The following TG variants were observed in gnomAD, a reference collection of about 807,000 sequenced individuals.
TG encodes thyroid hormones.
TG carries 270 observed loss-of-function variants against 324.7 expected under a neutral mutation model. The ratio of observed to expected loss-of-function variants is 0.83; its 90% CI spans 0.75 to 0.92. The LOEUF is 0.92. Ranked by LOEUF, TG falls within the 40% of genes least tolerant of loss-of-function variation. The pLI is 0.00. For synonymous variants in TG, 1,401 were observed against 1,327.0 expected, an observed-to-expected ratio of 1.06 and a Z score of -1.21; for missense variants, 3,591 against 3,456.4, an observed-to-expected ratio of 1.04 and a Z score of -0.98.
intron 8 of TG, chr8:132,883,331 T>A (rs1814931844): frequency 3.1e-6 from 1 of 323,336 alleles, no homozygotes; most frequent in African/African-American, 2.1e-5. Flanking sequence ...CATTCGATCT[T>A]GCAGCAGGTA....
chr8:133,058,648 G>A (rs150111963), intron 41 of TG, among the ~76,000 whole-genome samples: 8 of 152,178 alleles, frequency 5.3e-5, no homozygotes, highest in Admixed American at 6.5e-5. Context: ...GCCAAAGCCA[G>A]TTTGGAGAGG....
At chr8:133,052,703 G>A (rs931669670) in intron 41 of TG, among the ~76,000 whole-genome samples, 1 of 152,214 alleles carries the variant, frequency 6.6e-6, no homozygotes, top group African/African-American at 2.4e-5. Context: ...TAAAGCTTAA[G>A]CAAATTTGGC....
At chr8:133,075,216 C>T (rs4606039) in intron 41 of TG, 148,603 of 747,862 alleles carry the variant, frequency 0.2, 15,729 homozygotes, top group East Asian at 0.22. Flanking sequence ...ATTTCAGAAG[C>T]TTGGTCTTCT....
intron 27 of TG, among the ~76,000 whole-genome samples, chr8:132,956,052 A>G (rs1007242220): frequency 6.6e-6 from 1 of 152,240 alleles, no homozygotes; most frequent in Non-Finnish European, 1.5e-5. Flanking sequence ...AGGCAGTCAA[A>G]ACTGTGATCA....
intron 26 of TG, among the ~76,000 whole-genome samples, chr8:132,947,637 CTT>C (rs3076090): frequency 0.52 from 78,398 of 150,292 alleles, 21,690 homozygotes; most frequent in Non-Finnish European, 0.61. Flanking sequence ...ATATATTGCC[CTT>C]TTTTTTTTTT....
intron 41 of TG, among the ~76,000 whole-genome samples, chr8:133,067,736 G>A (rs142518073): frequency 0.012 from 1,768 of 151,678 alleles, 15 homozygotes; most frequent in Middle Eastern, 0.034. Flanking sequence ...AGATCGCACC[G>A]CTGCACATTC....
chr8:133,047,816 T>C (rs72729509), intron 41 of TG: 27,507 of 1,395,138 alleles, frequency 0.02, 354 homozygotes, highest in Non-Finnish European at 0.024. Flanking sequence ...AAAGATGAGT[T>C]GGGGGCCACT....
chr8:133,119,981 A>G (rs191700870), intron 45 of TG, among the ~76,000 whole-genome samples: 1 of 152,240 alleles, frequency 6.6e-6, no homozygotes, highest in African/African-American at 2.4e-5. Flanking sequence ...GACAAGAGCC[A>G]TGTGGTTTGG....
chr8:133,087,830 A>T (rs1846835280), intron 41 of TG: 1 of 152,150 alleles, frequency 6.6e-6, no homozygotes. Flanking sequence ...ATGTCACGTG[A>T]CCTCCTCCAG....
At chr8:132,871,869 G>T (rs891512503) in intron 4 of TG, among the ~76,000 whole-genome samples, 1 of 152,226 alleles carries the variant, frequency 6.6e-6, no homozygotes, top group Non-Finnish European at 1.5e-5. Context: ...TGCTGCATAC[G>T]GATGTTTTGG....
chr8:133,007,848 C>A (rs1442111302), intron 35 of TG, among the ~76,000 whole-genome samples: 1 of 148,964 alleles, frequency 6.7e-6, no homozygotes, highest in Non-Finnish European at 1.5e-5. Context: ...ATCTTCTAGT[C>A]AAATCTTTAG....
chr8:132,948,030 C>A (rs1696527932), intron 26 of TG, among the ~76,000 whole-genome samples: 1 of 152,126 alleles, frequency 6.6e-6, no homozygotes, highest in Non-Finnish European at 1.5e-5. Context: ...ATGTCATCTC[C>A]CCTAGTTACA....
chr8:133,056,758 C>T (rs1190054382), intron 41 of TG, among the ~76,000 whole-genome samples: 1 of 152,150 alleles, frequency 6.6e-6, no homozygotes, highest in Non-Finnish European at 1.5e-5. Flanking sequence ...TCTAATCATT[C>T]CCGTTTTACA....
At position 133,106,409 on chromosome 8, in the gene TG, G is replaced by T. The variant is rs1341457992; in HGVS notation, c.7573-7013G>T. The T allele has an allele frequency of 4.1e-6, 4 of 985,254 alleles. No individual in the cohort carries two copies. The Admixed American group carries it at 1.8e-4, about 45-fold the overall frequency. 61.0% of individuals were successfully genotyped at this position (985,254 alleles called of 1,614,324 possible). On this transcript the variant is annotated intron_variant, in intron 43 of 47. Transcript: ENST00000220616. ...GCTCTGTGTTCCATGCTCTCTGGCAGGTCACATTTGCAAACCAGGATGGGG... is the reference window on the plus strand; with the variant it reads ...GCTCTGTGTTCCATGCTCTCTGGCATGTCACATTTGCAAACCAGGATGGGG...
intron 41 of TG, chr8:133,038,563 C>A (rs1393505973): frequency 1.6e-5 from 26 of 1,613,960 alleles, no homozygotes; most frequent in Non-Finnish European, 2.1e-5. Flanking sequence ...AGAATGAGCT[C>A]TTTCTCTTGC....
intron 41 of TG, chr8:133,040,416 A>G (rs1837999244): frequency 2.7e-6 from 1 of 369,060 alleles, no homozygotes; most frequent in East Asian, 4.6e-5. Context: ...TTTTAGCTTT[A>G]CCCCGATAGT....
At chr8:133,038,605 C>T (rs1241470965) in intron 41 of TG, 2 of 1,613,990 alleles carry the variant, frequency 1.2e-6, no homozygotes, top group African/African-American at 1.3e-5. Flanking sequence ...TGCTTTTCTT[C>T]TTTCGATCAA....
chr8:133,055,942 G>T (rs754104710), intron 41 of TG, among the ~76,000 whole-genome samples: 1 of 152,130 alleles, frequency 6.6e-6, no homozygotes, highest in Middle Eastern at 3.4e-3. Flanking sequence ...AAGTCCTCAC[G>T]CCTCCCTGTG....
chr8:133,100,221 C>T (rs1849036136), intron 43 of TG, among the ~76,000 whole-genome samples: 1 of 152,216 alleles, frequency 6.6e-6, no homozygotes, highest in Non-Finnish European at 1.5e-5. Context: ...AGACAACTCA[C>T]TGCCTTACTC....
Sources: gnomAD v4.1 joint callset for allele counts (sites outside exome capture counted in the v4.1 genomes callset) on GRCh38, gnomAD v4.1.1 for gene constraint, MANE v1.5 for transcripts, NCBI Gene and HGNC (gene_info 2026-07-23, HGNC 2026-07-21) for gene names.